NDUFAF2: variants seen among roughly 807,000 people sequenced by gnomAD.
NDUFAF2 encodes the protein NADH dehydrogenase [ubiquinone] 1 alpha subcomplex assembly factor 2.
In NDUFAF2, 13 loss-of-function variants were observed where a neutral mutation model predicts 22.8. The observed-to-expected ratio is 0.57, with a 90% CI of 0.37 to 0.91. The LOEUF (loss-of-function observed/expected upper bound fraction) is 0.91. NDUFAF2 is among the 40% of genes least tolerant of loss of function. The probability of loss-of-function intolerance (pLI) is 0.01; values close to 1 mark genes in which losing one functional copy is unlikely to be tolerated. For synonymous variants in NDUFAF2, 53 were observed against 64.2 expected, an observed-to-expected ratio of 0.83 and a Z score of 0.84; for missense variants, 162 against 195.2, an observed-to-expected ratio of 0.83 and a Z score of 1.01.
At chr5:61,105,779 A>G (rs295557) in intron 3 of NDUFAF2, among the ~76,000 whole-genome samples, 20,968 of 151,460 alleles carry the variant, frequency 0.14, 1,856 homozygotes, top group South Asian at 0.26. Context: ...ATGATAGTGA[A>G]GGAATTTATT....
chr5:60,948,503 C>T (rs890769502), intron 1 of NDUFAF2, among the ~76,000 whole-genome samples: 10 of 151,452 alleles, frequency 6.6e-5, no homozygotes, highest in East Asian at 1.9e-4. Flanking sequence ...TGAGACAGTG[C>T]GCCTGGCTAG....
chr5:61,071,776 A>G (rs1752302946), intron 1 of NDUFAF2, among the ~76,000 whole-genome samples: 1 of 152,178 alleles, frequency 6.6e-6, no homozygotes, highest in African/African-American at 2.4e-5. Context: ...TCCCTGGAGT[A>G]GGCAGGCACA....
intron 1 of NDUFAF2, among the ~76,000 whole-genome samples, chr5:60,951,888 T>G (rs1750552339): frequency 6.6e-6 from 1 of 151,948 alleles, no homozygotes; most frequent in African/African-American, 2.4e-5. Flanking sequence ...ACCTACAAAT[T>G]TAATATCTTT....
intron 1 of NDUFAF2, among the ~76,000 whole-genome samples, chr5:61,021,053 T>G (rs1238666489): frequency 1.3e-5 from 2 of 151,830 alleles, no homozygotes; most frequent in Non-Finnish European, 2.9e-5. Flanking sequence ...GAAACTTGAT[T>G]TGGTGTTACT....
intron 1 of NDUFAF2, among the ~76,000 whole-genome samples, chr5:61,065,161 A>G (rs188091297): frequency 1.3e-5 from 2 of 152,160 alleles, no homozygotes; most frequent in East Asian, 3.9e-4. Flanking sequence ...AGGAAGAAAT[A>G]GAAAGCATGA....
At chr5:61,119,390 T>G (rs1752950625) in intron 3 of NDUFAF2, among the ~76,000 whole-genome samples, 1 of 152,180 alleles carries the variant, frequency 6.6e-6, no homozygotes, top group African/African-American at 2.4e-5. Context: ...AGATTCTGTT[T>G]TTAGTATTTT....
intron 1 of NDUFAF2, among the ~76,000 whole-genome samples, chr5:60,985,744 A>T (rs1312944172): frequency 1.3e-5 from 2 of 152,068 alleles, no homozygotes; most frequent in African/African-American, 4.8e-5. Context: ...CCATTTTTAA[A>T]ACCATCAGAT....
chr5:61,001,633 C>G (rs955506841), intron 1 of NDUFAF2, among the ~76,000 whole-genome samples: 1 of 151,982 alleles, frequency 6.6e-6, no homozygotes, highest in Non-Finnish European at 1.5e-5. Flanking sequence ...TTAGTAAAAT[C>G]TTATTACCTT....
chr5:61,121,841 CT>C (rs372908819), intron 3 of NDUFAF2, among the ~76,000 whole-genome samples: 64 of 138,404 alleles, frequency 4.6e-4, no homozygotes, highest in South Asian at 2.1e-3. Flanking sequence ...TTTTTTTTTT[CT>C]TTTTTTTTTT....
intron 1 of NDUFAF2, among the ~76,000 whole-genome samples, chr5:61,002,086 C>G (rs2112591428): frequency 6.6e-6 from 1 of 152,116 alleles, no homozygotes; most frequent in Middle Eastern, 3.4e-3. Context: ...TGCAAAAGGA[C>G]CAACCAGGAC....
At chr5:61,080,040 A>G (rs1021830177) in intron 2 of NDUFAF2, among the ~76,000 whole-genome samples, 15 of 152,004 alleles carry the variant, frequency 9.9e-5, no homozygotes, top group African/African-American at 2.9e-4. Flanking sequence ...CTCCATCTTG[A>G]CTAGAAGCAA....
chr5:61,127,667 A>G (rs1371274542), intron 3 of NDUFAF2, among the ~76,000 whole-genome samples: 1 of 152,180 alleles, frequency 6.6e-6, no homozygotes, highest in African/African-American at 2.4e-5. Context: ...GCTATTTATG[A>G]CAAACCCACA....
rs188099138 is a variant in NDUFAF2 at position 61,042,674 on chromosome 5, C to T, written c.128-30451C>T. Among the ~76,000 whole-genome samples, 351 of 152,224 alleles carry T rather than the reference C, an allele frequency of 2.3e-3. 2 individuals carry two copies. Among genetic ancestry groups the T allele is most frequent in the African/African-American group, 8.2e-3 (339 of 41,548 alleles). ...CAAATTTAGACAGATAGATAATGTT[C>T]TGTTTTTAAAACTATGGTAGTGAAT... On this transcript the variant is annotated intron_variant, in intron 1 of 3. Transcript: ENST00000296597.
chr5:61,017,326 G>T (rs1014983122), intron 1 of NDUFAF2, among the ~76,000 whole-genome samples: 2 of 152,032 alleles, frequency 1.3e-5, no homozygotes, highest in Non-Finnish European at 2.9e-5. Flanking sequence ...AAAAATCTTT[G>T]TAGAAGCTTT....
chr5:61,043,677 A>ATG (rs1317013412), intron 1 of NDUFAF2, among the ~76,000 whole-genome samples: 2 of 138,146 alleles, frequency 1.4e-5, no homozygotes, highest in Non-Finnish European at 3.0e-5. Flanking sequence ...AAAGCTGTAT[A>ATG]TATGTGTGTG....
chr5:61,101,678 A>G lies in NDUFAF2; in HGVS notation c.258+2646A>G, dbSNP rs541271534. On this transcript the variant is annotated intron_variant, in intron 3 of 3. Coordinates refer to ENST00000296597, the MANE Select transcript of NDUFAF2 (RefSeq NM_174889.5). The stretch of plus-strand genomic sequence containing the variant: ...AAATAAACTTTCTTTCATATCTCCT[A>G]TATATTATTGCTAAAGGTTAGCCAG... Among the ~76,000 whole-genome samples, 7 of 152,120 alleles carry G rather than the reference A, an allele frequency of 4.6e-5. 1 individual carries two copies. The highest frequency in any genetic ancestry group is 1.7e-4 in the African/African-American group (7 of 41,516).
chr5:61,037,647 A>G (rs959309842), intron 1 of NDUFAF2, among the ~76,000 whole-genome samples: 5 of 152,016 alleles, frequency 3.3e-5, no homozygotes, highest in Non-Finnish European at 7.4e-5. Flanking sequence ...TAAAGAAACC[A>G]CTTTTTCCAT....
chr5:61,102,330 G>A (rs295565), intron 3 of NDUFAF2, among the ~76,000 whole-genome samples: 19,699 of 152,090 alleles, frequency 0.13, 1,601 homozygotes, highest in South Asian at 0.2. Flanking sequence ...TTAGGATACT[G>A]GGTAAATAAA....
chr5:61,107,701 A>G (rs1403021095), intron 3 of NDUFAF2, among the ~76,000 whole-genome samples: 1 of 150,422 alleles, frequency 6.6e-6, no homozygotes, highest in African/African-American at 2.5e-5. Context: ...GTTTTATGGT[A>G]CATGTGCACA....
Sources: gnomAD v4.1 joint callset for allele counts (sites outside exome capture counted in the v4.1 genomes callset) on GRCh38, gnomAD v4.1.1 for gene constraint, MANE v1.5 for transcripts, NCBI Gene and HGNC (gene_info 2026-07-23, HGNC 2026-07-21) for gene names.